SUGP1: variants seen among roughly 807,000 people sequenced by gnomAD.
SUGP1 encodes SURP and G-patch domain containing 1.
Under a neutral mutation model 76.5 loss-of-function variants are expected in SUGP1, and 34 were observed. The ratio of observed to expected loss-of-function variants is 0.44; its 90% CI spans 0.34 to 0.59. SUGP1 has a LOEUF of 0.59. Ranked by LOEUF, SUGP1 falls within the 20% of genes least tolerant of loss-of-function variation. SUGP1 has a pLI of 0.01. For synonymous variants in SUGP1, 326 were observed against 326.2 expected (o/e 1.00, Z 0.01); for missense variants, 752 against 851.7 (o/e 0.88, Z 1.46).
In SUGP1 at chr19:19,280,283, G is replaced by A. The variant is rs758315037; in HGVS notation, c.1252C>T (p.Leu418Phe). 1.2e-6 allele frequency: 2 copies of A among 1,613,796 alleles called. No individual in the cohort carries two copies. Among genetic ancestry groups the A allele is most frequent in the South Asian group, 1.1e-5 (1 of 91,080 alleles). The stretch of plus-strand genomic sequence containing the variant: ...CCCTTCTCATAGCCGAGCCCCTTGA[G>A]GTCCTGAACTGGAAACCAAAGACAC... ...ASPSPLSVQD[L>F]KGLGYEKGKP... Residue 418 changes from leucine (L) to phenylalanine (F), a missense_variant, in exon 9 of 14, where the codon CTC becomes TTC. Coordinates refer to ENST00000247001, the MANE Select transcript of SUGP1 (RefSeq NM_172231.4).
In SUGP1 at chr19:19,313,168, C is replaced by T. The variant is rs1029346556; in HGVS notation, c.207-2968G>A. Among the ~76,000 whole-genome samples the T allele has an allele frequency of 2.2e-4, 34 of 151,660 alleles. 1 individual carries two copies. The highest frequency in any genetic ancestry group is 3.2e-3 in the Middle Eastern group (1 of 312). ...CAGCACTTCGGTAGGCCAAAGCAGG[C>T]GGATCACCTGAGGTCAGGAGTTCAA... On this transcript the variant is annotated intron_variant, in intron 2 of 13. Transcript: ENST00000247001.
chr19:19,313,030 A>C (rs1045075498), intron 2 of SUGP1, among the ~76,000 whole-genome samples: 5 of 151,534 alleles, frequency 3.3e-5, no homozygotes, highest in African/African-American at 7.3e-5. Flanking sequence ...ATAAAAAAAA[A>C]CAAAAGGACA....
intron 7 of SUGP1, 56 bp from the exon 8 acceptor site, chr19:19,297,400 A>ATTCTGGGCAGGAGCAGTTCTGGCC (rs59021207): frequency 0.12 from 155,495 of 1,349,340 alleles, 15,122 homozygotes; most frequent in Middle Eastern, 0.21. Flanking sequence ...CCTGTCCCTG[A>ATTCTGGGCAGGAGCAGTTCTGGCC]TTCTGGGCAG....
At position 19,297,102 on chromosome 19, in the gene SUGP1, G is replaced by A. The variant is rs2061232409; in HGVS notation, c.1130C>T (p.Ala377Val). Residue 377 changes from alanine to valine, a missense_variant, in exon 8 of 14, where the codon GCC becomes GTC. Coordinates refer to ENST00000247001, the MANE Select transcript of SUGP1 (RefSeq NM_172231.4). ...PAAPGKPASA[A>V]TVKRKRKSRW... Reference sequence around the variant, plus strand: ...GCTCTTCCGCTTCCTCTTCACGGTGGCTGCGGAGGCTGGCTTCCCGGGGGC... The same window carrying A: ...GCTCTTCCGCTTCCTCTTCACGGTGACTGCGGAGGCTGGCTTCCCGGGGGC... 2 of 1,613,758 alleles carry A rather than the reference G, an allele frequency of 1.2e-6. No individual in the cohort carries two copies. Among genetic ancestry groups the A allele is most frequent in the Non-Finnish European group, 8.5e-7 (1 of 1,179,882 alleles).
At chr19:19,287,257 T>C (rs2061148192) in intron 8 of SUGP1, among the ~76,000 whole-genome samples, 1 of 147,342 alleles carries the variant, frequency 6.8e-6, no homozygotes, top group South Asian at 2.2e-4. Flanking sequence ...GGTGACAGAG[T>C]GATACCGTGT....
chr19:19,277,248 G>GGT (rs1568615823), intron 12 of SUGP1, among the ~76,000 whole-genome samples, 172 bp from the exon 13 acceptor site: 1 of 114,428 alleles, frequency 8.7e-6, no homozygotes, highest in African/African-American at 3.6e-5. Context: ...CCCCCGGGGC[G>GGT]GGCGGGGGGG....
intron 3 of SUGP1, among the ~76,000 whole-genome samples, chr19:19,309,220 C>T (rs2061337262): frequency 6.6e-6 from 1 of 152,130 alleles, no homozygotes; most frequent in East Asian, 1.9e-4. Context: ...TACAGTGGCT[C>T]CTGCCTGTAA....
In SUGP1 at chr19:19,303,453, A is replaced by G. The variant is rs1436240835; in HGVS notation, c.663-5T>C. 3.7e-6 allele frequency: 6 copies of G among 1,611,812 alleles called. 1 individual carries two copies. Among genetic ancestry groups the G allele is most frequent in the Admixed American group, 1.7e-5 (1 of 59,978 alleles). ...CTATTCTTATCGTGCAAAAATCTGG[A>G]GAGGAGGAAGTTTGCAGAAGAGAGG... On this transcript the variant is annotated splice_region_variant and splice_polypyrimidine_tract_variant and intron_variant, in intron 5 of 13. Transcript: ENST00000247001.
chr19:19,302,182 T>C, intron 7 of SUGP1, 83 bp downstream of exon 7: 3 of 1,562,128 alleles, frequency 1.9e-6, no homozygotes, highest in Non-Finnish European at 1.7e-6. Flanking sequence ...AGCAGGTGGC[T>C]GGACTATGCT....
At chr19:19,308,968 C>T (rs1268380390) in intron 3 of SUGP1, among the ~76,000 whole-genome samples, 1 of 152,074 alleles carries the variant, frequency 6.6e-6, no homozygotes, top group Non-Finnish European at 1.5e-5. Context: ...CTGGGTTCAA[C>T]CGATTCCCCT....
chr19:19,289,784 A>G (rs994495261), intron 8 of SUGP1, among the ~76,000 whole-genome samples: 4 of 152,126 alleles, frequency 2.6e-5, no homozygotes, highest in African/African-American at 4.8e-5. Flanking sequence ...AACAAAAACA[A>G]AAAAGAATGA....
Position 19,297,465 on chromosome 19 carries a change from C to T in SUGP1, c.888-121G>A, listed in dbSNP as rs1428026104. 12 of 587,544 alleles carry T rather than the reference C, an allele frequency of 2.0e-5. No individual in the cohort carries two copies. The Admixed American group carries it at 3.9e-4, about 19-fold the overall frequency. The allele number at this position is 587,544 out of a possible 1,614,324, so 36.4% of individuals were successfully genotyped here. A position where few individuals can be genotyped will look rare whatever the true frequency, so the allele number is the denominator to read the frequency against. ...GGCCAGGGTCACTATATGGTCATGTCATAGTCACGGTCTCCACCATGACCT... is the reference window on the plus strand; with the variant it reads ...GGCCAGGGTCACTATATGGTCATGTTATAGTCACGGTCTCCACCATGACCT... On this transcript the variant is annotated intron_variant, in intron 7 of 13. Coordinates refer to ENST00000247001, the MANE Select transcript of SUGP1 (RefSeq NM_172231.4).
chr19:19,313,351 C>T (rs890803279), intron 2 of SUGP1, among the ~76,000 whole-genome samples: 6 of 151,296 alleles, frequency 4.0e-5, no homozygotes, highest in Admixed American at 6.6e-5. Context: ...GCCAAGATCG[C>T]GCCATTGCAC....
At chr19:19,280,093 C>A in intron 9 of SUGP1, 92 bp downstream of exon 9, 13 of 1,263,620 alleles carry the variant, frequency 1.0e-5, no homozygotes, top group Non-Finnish European at 1.5e-5. Context: ...TGGCGAAGCA[C>A]ATGAACCCCT....
At chr19:19,302,015 G>T in intron 7 of SUGP1, 1 of 520,488 alleles carries the variant, frequency 1.9e-6, no homozygotes, top group Non-Finnish European at 3.4e-6. Context: ...TCTCCATGAG[G>T]CACCTGAAAG....
intron 8 of SUGP1, among the ~76,000 whole-genome samples, chr19:19,285,825 A>C (rs2061135359): frequency 6.6e-6 from 1 of 152,096 alleles, no homozygotes; most frequent in African/African-American, 2.4e-5. Flanking sequence ...TCGGCCTCCC[A>C]AAGCACTGGG....
At chr19:19,314,738 A>C (rs990804466) in intron 2 of SUGP1, among the ~76,000 whole-genome samples, 4 of 152,198 alleles carry the variant, frequency 2.6e-5, no homozygotes, top group Non-Finnish European at 5.9e-5. Context: ...CTGGGAGATA[A>C]AAATGCTGGT....
intron 13 of SUGP1, 23 bp from the exon 14 acceptor site, chr19:19,276,697 C>T (rs2061051993): frequency 6.2e-7 from 1 of 1,614,086 alleles, no homozygotes; most frequent in Non-Finnish European, 8.5e-7. Context: ...AAACAGATAA[C>T]AGGAGGAGGG....
intron 8 of SUGP1, among the ~76,000 whole-genome samples, chr19:19,291,749 C>G (rs1599853190): frequency 6.6e-6 from 1 of 151,930 alleles, no homozygotes; most frequent in East Asian, 1.9e-4. Flanking sequence ...AAAAAATTAG[C>G]CAGGCTTGGT....
Sources: allele counts gnomAD v4.1 joint callset (sites outside exome capture counted in the v4.1 genomes callset), GRCh38; gene constraint gnomAD v4.1.1; transcripts MANE v1.5; gene names NCBI Gene and HGNC (gene_info 2026-07-23, HGNC 2026-07-21).